Variants in TRPM3 observed in about 807,000 individuals in gnomAD.
TRPM3 encodes the protein transient receptor potential cation channel subfamily M member 3.
TRPM3 carries 77 observed loss-of-function variants against 181.2 expected under a neutral mutation model. The observed-to-expected ratio is 0.42, with a 90% CI of 0.35 to 0.51. TRPM3 has a LOEUF of 0.51. Among genes scored for constraint, TRPM3 ranks in the 20% least tolerant of loss-of-function variants. TRPM3 has a pLI of 0.01. For synonymous variants in TRPM3, 745 were observed against 796.4 expected (o/e 0.94, Z 1.09); for missense variants, 1,759 against 2,196.7 (o/e 0.80, Z 3.98).
intron 1 of TRPM3, among the ~76,000 whole-genome samples, chr9:71,062,841 C>T (rs1050694224): frequency 2.0e-4 from 31 of 152,062 alleles, no homozygotes; most frequent in African/African-American, 7.0e-4. Context: ...CGCCTTCTAC[C>T]ACAGATAATA....
chr9:70,686,843 T>A (rs2067084106), intron 8 of TRPM3, among the ~76,000 whole-genome samples: 1 of 143,180 alleles, frequency 7.0e-6, no homozygotes, highest in African/African-American at 2.6e-5. Flanking sequence ...TTTTCTTTTT[T>A]GAGACAGGGT....
At chr9:71,397,644 C>A (rs2093232024) in intron 1 of TRPM3, among the ~76,000 whole-genome samples, 1 of 152,106 alleles carries the variant, frequency 6.6e-6, no homozygotes, top group Admixed American at 6.6e-5. Context: ...AAATTTCTGA[C>A]CACCTATATC....
intron 1 of TRPM3, among the ~76,000 whole-genome samples, chr9:71,285,613 G>C (rs558842539): frequency 5.9e-5 from 9 of 152,178 alleles, no homozygotes; most frequent in African/African-American, 2.2e-4. Flanking sequence ...TTCATCTCAG[G>C]GCTACTTAGT....
chr9:70,931,558 G>T (rs1439706190), intron 1 of TRPM3, among the ~76,000 whole-genome samples: 3 of 150,932 alleles, frequency 2.0e-5, no homozygotes, highest in African/African-American at 4.9e-5. Context: ...TTAATTTAAA[G>T]AAGTAAAAGT....
chr9:70,880,314 T>C (rs1029238558), intron 1 of TRPM3, among the ~76,000 whole-genome samples: 3 of 152,128 alleles, frequency 2.0e-5, no homozygotes, highest in Admixed American at 2.0e-4. Context: ...GATCACATGT[T>C]ATACCTTCCC....
At position 70,792,087 on chromosome 9, in the gene TRPM3, T is replaced by A. The variant is rs1386500070; in HGVS notation, c.974-7808A>T. Among the ~76,000 whole-genome samples, 4 of 152,240 alleles carry A rather than the reference T, an allele frequency of 2.6e-5. No individual in the cohort carries two copies. In the East Asian group the frequency reaches 7.7e-4, roughly 29 times the overall value. ...GAAAACTCTCATGGTGTCCGCCCTA[T>A]CCCCTCTCCCCTGTCAGAGAACAGA... is the stretch of plus-strand genomic sequence containing the variant. On this transcript the variant is annotated intron_variant, in intron 6 of 25. Coordinates refer to ENST00000677713, the MANE Select transcript of TRPM3 (RefSeq NM_001366145.2).
intron 8 of TRPM3, among the ~76,000 whole-genome samples, chr9:70,700,717 A>G (rs891386345): frequency 3.9e-5 from 6 of 152,216 alleles, no homozygotes; most frequent in Non-Finnish European, 8.8e-5. Context: ...CATCAGATTG[A>G]TCTCTTTGGA....
chr9:71,031,027 A>G (rs1310426898), intron 1 of TRPM3, among the ~76,000 whole-genome samples: 3 of 152,294 alleles, frequency 2.0e-5, no homozygotes, highest in South Asian at 2.1e-4. Flanking sequence ...TTTCTAGATA[A>G]TATCTTGGGC....
chr9:70,656,432 C>A (rs975916571), intron 9 of TRPM3, among the ~76,000 whole-genome samples: 5 of 152,182 alleles, frequency 3.3e-5, no homozygotes, highest in African/African-American at 7.2e-5. Context: ...AGACTGTTAC[C>A]ATCTTTGTTT....
intron 1 of TRPM3, among the ~76,000 whole-genome samples, chr9:71,041,822 T>C (rs1012866242): frequency 1.3e-5 from 2 of 152,202 alleles, no homozygotes; most frequent in Non-Finnish European, 2.9e-5. Flanking sequence ...TAATCCCCTC[T>C]ATATTCAAAA....
intron 1 of TRPM3, among the ~76,000 whole-genome samples, chr9:71,049,247 C>T (rs556869453): frequency 6.6e-6 from 1 of 152,216 alleles, no homozygotes; most frequent in South Asian, 2.1e-4. Context: ...GCTGCTCTAA[C>T]ATGCCTTAGC....
intron 1 of TRPM3, among the ~76,000 whole-genome samples, chr9:71,011,089 A>C (rs566272876): frequency 1.3e-5 from 2 of 152,118 alleles, no homozygotes; most frequent in Non-Finnish European, 2.9e-5. Context: ...GTTCTCACTC[A>C]TATGTGGAAT....
At position 70,921,937 on chromosome 9, in the gene TRPM3, A is replaced by AC. The variant is rs397971288; in HGVS notation, c.178-57427_178-57426insG. 9.5e-3 allele frequency among the ~76,000 whole-genome samples: 1,110 copies of AC among 116,966 alleles called. 4 individuals carry two copies. Among genetic ancestry groups the AC allele is most frequent in the African/African-American group, 0.025 (823 of 32,706 alleles). 76.7% of individuals were successfully genotyped at this position (116,966 alleles called of 152,430 possible). ...CCACTATACACACACACACACACAC[A>AC]AACAAACACACACACACACACACAC... On this transcript the variant is annotated intron_variant, in intron 1 of 25. Coordinates refer to ENST00000677713, the MANE Select transcript of TRPM3 (RefSeq NM_001366145.2).
chr9:70,553,411 T>C (rs2046910688), intron 22 of TRPM3, 101 bp from the exon 23 acceptor site: 8 of 1,393,802 alleles, frequency 5.7e-6, no homozygotes, highest in Middle Eastern at 2.3e-4. Flanking sequence ...GGAAGAAATA[T>C]ATAGCCATCT....
intron 1 of TRPM3, among the ~76,000 whole-genome samples, chr9:71,164,225 A>G (rs1249215072): frequency 6.6e-6 from 1 of 152,192 alleles, no homozygotes; most frequent in Non-Finnish European, 1.5e-5. Flanking sequence ...TAATTTACCA[A>G]CCAATTCAAT....
upstream of TRPM3, chr9:71,121,709 G>T (rs375198155): frequency 8.8e-5 from 83 of 942,220 alleles, no homozygotes; most frequent in Middle Eastern, 9.5e-4. Flanking sequence ...GCTTGGTTTG[G>T]GGGGGAGCCA....
chr9:70,651,546 C>T (rs1269105729), intron 9 of TRPM3, among the ~76,000 whole-genome samples: 1 of 152,134 alleles, frequency 6.6e-6, no homozygotes, highest in Non-Finnish European at 1.5e-5. Context: ...TGTTTTTGCA[C>T]ATACTGTTCC....
intron 1 of TRPM3, among the ~76,000 whole-genome samples, chr9:70,898,642 C>T (rs113614399): frequency 1.4e-5 from 2 of 147,706 alleles, no homozygotes; most frequent in South Asian, 2.1e-4. Context: ...CAGTTACTCC[C>T]GAGGCTGAGG....
intron 1 of TRPM3, among the ~76,000 whole-genome samples, chr9:71,338,346 C>T (rs898225413): frequency 7.9e-5 from 12 of 152,240 alleles, no homozygotes; most frequent in East Asian, 1.9e-4. Flanking sequence ...TAACGTTCAA[C>T]GCTCTTCAGA....
Sources: allele counts gnomAD v4.1 joint callset (sites outside exome capture counted in the v4.1 genomes callset), GRCh38; gene constraint gnomAD v4.1.1; transcripts MANE v1.5; gene names NCBI Gene and HGNC (gene_info 2026-07-23, HGNC 2026-07-21).